ME1: variants seen among roughly 807,000 people sequenced by gnomAD.
ME1 encodes malic enzyme 1, also known as NADP-dependent malic enzyme.
Under a neutral mutation model 66.4 loss-of-function variants are expected in ME1, and 74 were observed. That is an observed-to-expected ratio of 1.11 (90% CI 0.92 to 1.35). The LOEUF (loss-of-function observed/expected upper bound fraction) is 1.35. Ranked by LOEUF, ME1 falls within the 40% of genes most tolerant of loss-of-function variation. ME1 has a pLI of 0.00. For synonymous variants in ME1, 251 were observed against 235.6 expected, an observed-to-expected ratio of 1.07 and a Z score of -0.60; for missense variants, 750 against 694.1, an observed-to-expected ratio of 1.08 and a Z score of -0.90.
intron 3 of ME1, among the ~76,000 whole-genome samples, chr6:83,370,688 G>C (rs559592417): frequency 2.0e-5 from 3 of 152,034 alleles, no homozygotes; most frequent in Non-Finnish European, 4.4e-5. Context: ...TGAAGTAAAG[G>C]GGAAAAAAGC....
At chr6:83,427,675 T>C (rs1257263689) in intron 1 of ME1, among the ~76,000 whole-genome samples, 1 of 152,150 alleles carries the variant, frequency 6.6e-6, no homozygotes, top group African/African-American at 2.4e-5. Flanking sequence ...GTACTAAATA[T>C]TGTGACTCCT....
intron 3 of ME1, among the ~76,000 whole-genome samples, chr6:83,377,484 C>T (rs1402539568): frequency 6.6e-6 from 1 of 152,090 alleles, no homozygotes. Flanking sequence ...AATCATCTGG[C>T]ATTGATGAAA....
chr6:83,285,853 G>C (rs1767387209), intron 6 of ME1, among the ~76,000 whole-genome samples: 1 of 152,174 alleles, frequency 6.6e-6, no homozygotes, highest in South Asian at 2.1e-4. Flanking sequence ...GTTATGTTTA[G>C]GAAAAGAGGC....
intron 3 of ME1, among the ~76,000 whole-genome samples, chr6:83,371,133 T>C (rs1342418284): frequency 6.6e-6 from 1 of 152,226 alleles, no homozygotes; most frequent in Non-Finnish European, 1.5e-5. Flanking sequence ...ATAAACTTTC[T>C]AATAATTTCA....
At chr6:83,296,491 T>C (rs1454897471) in intron 6 of ME1, among the ~76,000 whole-genome samples, 2 of 152,270 alleles carry the variant, frequency 1.3e-5, no homozygotes, top group Middle Eastern at 3.4e-3. Context: ...AAATGCTCAA[T>C]AAACTATGTA....
At position 83,239,599 on chromosome 6, in the gene ME1, A is replaced by C. The variant is rs376254621; in HGVS notation, c.852T>G (p.Ala284=). The change falls in exon 8 of 14, where the codon GCT becomes GCG. Residue 284 remains alanine, a synonymous_variant. Coordinates refer to ENST00000369705, the MANE Select transcript of ME1 (RefSeq NM_002395.6). ...ASVAVAGLLA[A]LRITKNKLSD... ...ACAGTTTGTTCTTGGTTATTCGAAG[A>C]GCTGCAAGGAGACCTGCAACTGCAA... 1 of 1,613,428 alleles carries C rather than the reference A, an allele frequency of 6.2e-7. No individual in the cohort carries two copies. The highest frequency in any genetic ancestry group is 1.3e-5 in the African/African-American group (1 of 74,914).
intron 6 of ME1, among the ~76,000 whole-genome samples, chr6:83,312,288 A>G (rs1767946444): frequency 6.6e-6 from 1 of 152,194 alleles, no homozygotes; most frequent in African/African-American, 2.4e-5. Context: ...GGCATACAGG[A>G]GCCAGTAATA....
chr6:83,223,068 C>G (rs1193881236), intron 12 of ME1, among the ~76,000 whole-genome samples: 1 of 152,212 alleles, frequency 6.6e-6, no homozygotes, highest in East Asian at 1.9e-4. Context: ...CAGACTTTCA[C>G]TTTAAACCTT....
intron 7 of ME1, among the ~76,000 whole-genome samples, chr6:83,253,101 CAT>C (rs769391735): frequency 1.3e-5 from 2 of 152,004 alleles, no homozygotes; most frequent in South Asian, 2.1e-4. Context: ...CATAGTAAGA[CAT>C]GTGTATTGGG....
At chr6:83,260,019 T>C (rs1766855499) in intron 6 of ME1, among the ~76,000 whole-genome samples, 1 of 152,166 alleles carries the variant, frequency 6.6e-6, no homozygotes, top group South Asian at 2.1e-4. Context: ...TCCAAAATGA[T>C]ACCAAGGACT....
At chr6:83,275,573 C>A (rs1767163661) in intron 6 of ME1, among the ~76,000 whole-genome samples, 2 of 130,580 alleles carry the variant, frequency 1.5e-5, no homozygotes, top group Non-Finnish European at 3.2e-5. Flanking sequence ...TCATGCCATT[C>A]TCCTGCCTCA....
intron 3 of ME1, among the ~76,000 whole-genome samples, chr6:83,389,491 T>C (rs1359924536): frequency 1.3e-5 from 2 of 152,130 alleles, no homozygotes; most frequent in Non-Finnish European, 2.9e-5. Flanking sequence ...AGATCAAGCA[T>C]ATTTTGATAG....
chr6:83,230,011 T>C (rs991219281), intron 9 of ME1, among the ~76,000 whole-genome samples: 1 of 151,820 alleles, frequency 6.6e-6, no homozygotes, highest in African/African-American at 2.4e-5. Flanking sequence ...TTTTTAGAGA[T>C]GGGGGTCTCG....
chr6:83,305,661 G>A (rs1168731504), intron 6 of ME1, among the ~76,000 whole-genome samples: 1 of 152,084 alleles, frequency 6.6e-6, no homozygotes, highest in Non-Finnish European at 1.5e-5. Flanking sequence ...CCACATCAGG[G>A]CTTGAGGGCC....
intron 7 of ME1, among the ~76,000 whole-genome samples, chr6:83,251,761 G>A (rs1790728785): frequency 6.6e-6 from 1 of 152,104 alleles, no homozygotes; most frequent in South Asian, 2.1e-4. Context: ...TAGAATGAGT[G>A]ACGAGAGAAA....
intron 5 of ME1, among the ~76,000 whole-genome samples, chr6:83,315,697 G>C (rs1290853484): frequency 6.6e-6 from 1 of 152,128 alleles, no homozygotes; most frequent in Non-Finnish European, 1.5e-5. Context: ...AGGAGATCAA[G>C]ACCATCCTGG....
At chr6:83,259,527 G>T (rs1057361200) in intron 6 of ME1, among the ~76,000 whole-genome samples, 1 of 152,086 alleles carries the variant, frequency 6.6e-6, no homozygotes. Context: ...TTTGTACTGG[G>T]GAGATGACAA....
At chr6:83,406,058 A>G (rs1279103631) in intron 2 of ME1, among the ~76,000 whole-genome samples, 1 of 152,116 alleles carries the variant, frequency 6.6e-6, no homozygotes, top group Admixed American at 6.5e-5. Context: ...AATTTTGTCA[A>G]AGGCCTTTTC....
At chr6:83,347,374 A>T (rs543821516) in intron 4 of ME1, among the ~76,000 whole-genome samples, 2 of 152,338 alleles carry the variant, frequency 1.3e-5, no homozygotes, top group East Asian at 3.9e-4. Context: ...CATGTCAGTT[A>T]TATGAATTTA....
Sources: gnomAD v4.1 joint callset for allele counts (sites outside exome capture counted in the v4.1 genomes callset) on GRCh38, gnomAD v4.1.1 for gene constraint, MANE v1.5 for transcripts, NCBI Gene and HGNC (gene_info 2026-07-23, HGNC 2026-07-21) for gene names.